Variants in SAMM50 observed in about 807,000 individuals in gnomAD.
SAMM50 encodes SAMM50 sorting and assembly machinery component, also known as sorting and assembly machinery component 50 homolog.
A neutral mutation model predicts 66.9 loss-of-function variants in SAMM50; 47 were observed. The observed-to-expected ratio is 0.70, with a 90% CI of 0.56 to 0.90. The LOEUF is 0.90. Among genes scored for constraint, SAMM50 ranks in the 40% least tolerant of loss-of-function variants. The pLI is 0.00. For missense variants in SAMM50, 535 were observed against 595.3 expected (o/e 0.90, Z 1.05); for synonymous variants, 191 against 214.1 (o/e 0.89, Z 0.94).
At chr22:43,977,174 C>G (rs2050237163) in intron 9 of SAMM50, among the ~76,000 whole-genome samples, 1 of 152,204 alleles carries the variant, frequency 6.6e-6, no homozygotes, top group Non-Finnish European at 1.5e-5. Flanking sequence ...AGGGCAGGTG[C>G]ATCGTGGCAG....
chr22:43,992,124 C>T (rs955328933), intron 14 of SAMM50, among the ~76,000 whole-genome samples: 86 of 152,274 alleles, frequency 5.6e-4, no homozygotes, highest in African/African-American at 2.0e-3. Context: ...AGGCTTAACC[C>T]GGTTTCAAAT....
At chr22:43,984,083 C>A in intron 12 of SAMM50, 83 bp downstream of exon 12, 1 of 1,139,634 alleles carries the variant, frequency 8.8e-7, no homozygotes, top group Non-Finnish European at 1.2e-6. Context: ...TAGCTTACAG[C>A]GATAATAGAC....
At position 43,981,297 on chromosome 22, in the gene SAMM50, C is replaced by T. The variant is rs538780826; in HGVS notation, c.937-94C>T. The T allele has an allele frequency of 1.7e-4, 162 of 969,230 alleles. 2 individuals carry two copies. The South Asian group carries it at 2.0e-3, about 12-fold the overall frequency. The allele number at this position is 969,230 out of a possible 1,614,324, so 60.0% of individuals were successfully genotyped here. On this transcript the variant is annotated intron_variant, in intron 10 of 14. Transcript: ENST00000350028. ...CCCCATCGCGGAGCTCTGCACGCCA[C>T]GGGCATTCAGTGTGTGGCCAGTTGC...
intron 14 of SAMM50, among the ~76,000 whole-genome samples, chr22:43,992,623 A>G (rs1271857439): frequency 6.6e-6 from 1 of 152,234 alleles, no homozygotes; most frequent in African/African-American, 2.4e-5. Flanking sequence ...GGTGAGTCAC[A>G]AAACCTCTCT....
At chr22:43,976,908 TG>T (rs1160465008) in intron 9 of SAMM50, 87 bp downstream of exon 9, 1 of 469,280 alleles carries the variant, frequency 2.1e-6, no homozygotes, top group Non-Finnish European at 4.2e-6. Flanking sequence ...TGGGTGGGCC[TG>T]GGGGTGGGCA....
At chr22:43,984,036 G>A (rs779151364) in intron 12 of SAMM50, 36 bp downstream of exon 12, 1 of 1,575,852 alleles carries the variant, frequency 6.3e-7, no homozygotes, top group South Asian at 1.1e-5. Context: ...AAGTCTAGAA[G>A]GCTCGCGTCT....
At chr22:43,964,135 C>T (rs2050161231) in intron 2 of SAMM50, among the ~76,000 whole-genome samples, 1 of 152,136 alleles carries the variant, frequency 6.6e-6, no homozygotes, top group Non-Finnish European at 1.5e-5. Context: ...CAGGCCAGTG[C>T]TCAGCATGCA....
At chr22:43,966,969 C>A (rs2050176785) in intron 3 of SAMM50, among the ~76,000 whole-genome samples, 1 of 152,152 alleles carries the variant, frequency 6.6e-6, no homozygotes, top group South Asian at 2.1e-4. Context: ...ACCTGTCCTG[C>A]TTTGTTATTT....
At chr22:43,972,742 A>T in intron 5 of SAMM50, 129 bp from the exon 6 acceptor site, 1 of 858,274 alleles carries the variant, frequency 1.2e-6, no homozygotes, top group East Asian at 2.6e-5. Flanking sequence ...CAAATGAAAG[A>T]CTAGATCTGT....
chr22:43,974,833 TC>T (rs1212565692), intron 7 of SAMM50: 1 of 152,250 alleles, frequency 6.6e-6, no homozygotes, highest in African/African-American at 2.4e-5. Context: ...TTCATTTCTT[TC>T]TAAGCCTTTT....
At chr22:43,966,427 G>A (rs756292306) in intron 3 of SAMM50, among the ~76,000 whole-genome samples, 8 of 151,664 alleles carry the variant, frequency 5.3e-5, no homozygotes, top group Non-Finnish European at 7.4e-5. Flanking sequence ...GCGCGATCTT[G>A]GCTCACTGCA....
At chr22:43,993,745 C>A (rs1317792924) in intron 14 of SAMM50, among the ~76,000 whole-genome samples, 6 of 152,124 alleles carry the variant, frequency 3.9e-5, no homozygotes, top group Non-Finnish European at 7.4e-5. Flanking sequence ...AGTGAGGTTG[C>A]CAGATTTAAT....
chr22:43,968,226 C>CAAAAAAAAAAAAAAAAAAGAAGAAA (rs2050183659), intron 3 of SAMM50, among the ~76,000 whole-genome samples: 1 of 68,650 alleles, frequency 1.5e-5, no homozygotes, highest in African/African-American at 5.3e-5. Context: ...AACTCTGTCT[C>CAAAAAAAAAAAAAAAAAAGAAGAAA]AAAAAAAAAA....
intron 4 of SAMM50, among the ~76,000 whole-genome samples, chr22:43,970,709 T>A (rs1373060503): frequency 6.6e-6 from 1 of 152,160 alleles, no homozygotes; most frequent in African/African-American, 2.4e-5. Flanking sequence ...ACTTTTGTAG[T>A]TTGTACAAAA....
intron 1 of SAMM50, among the ~76,000 whole-genome samples, chr22:43,960,590 A>G (rs2050142741): frequency 6.6e-6 from 1 of 152,104 alleles, no homozygotes; most frequent in Non-Finnish European, 1.5e-5. Flanking sequence ...TTAGCCAGGT[A>G]TAGTGGCACG....
chr22:43,978,426 CCTT>C (rs2050245246), intron 10 of SAMM50, among the ~76,000 whole-genome samples: 1 of 82,714 alleles, frequency 1.2e-5, no homozygotes, highest in Non-Finnish European at 2.2e-5. Flanking sequence ...CAGAGAGACT[CCTT>C]CTCAAAAAAA....
chr22:43,956,796 T>G (rs975427524), intron 1 of SAMM50, among the ~76,000 whole-genome samples: 6 of 152,168 alleles, frequency 3.9e-5, no homozygotes, highest in African/African-American at 1.4e-4. Context: ...TTCAAACTGG[T>G]TGGCAGCATC....
chr22:43,991,636 C>T (rs1186101507), intron 14 of SAMM50, among the ~76,000 whole-genome samples: 1 of 152,170 alleles, frequency 6.6e-6, no homozygotes, highest in Non-Finnish European at 1.5e-5. Flanking sequence ...CTCAGGCTGC[C>T]ATCACAAAAT....
At chr22:43,995,319 T>C (rs1054522305) in intron 14 of SAMM50, 11 of 152,330 alleles carry the variant, frequency 7.2e-5, no homozygotes, top group African/African-American at 2.6e-4. Flanking sequence ...TTGCCGCCGG[T>C]GTGCATGTGC....
Sources: allele counts gnomAD v4.1 joint callset (sites outside exome capture counted in the v4.1 genomes callset), GRCh38; gene constraint gnomAD v4.1.1; transcripts MANE v1.5; gene names NCBI Gene and HGNC (gene_info 2026-07-23, HGNC 2026-07-21).